The following NEDD9 variants were observed in gnomAD, a reference collection of about 807,000 sequenced individuals.
NEDD9 encodes the protein neural precursor cell expressed, developmentally down-regulated 9.
In NEDD9, 26 loss-of-function variants were observed where a neutral mutation model predicts 76.6. The ratio of observed to expected loss-of-function variants is 0.34; its 90% CI spans 0.25 to 0.47. NEDD9 has a LOEUF of 0.47. Ranked by LOEUF, NEDD9 falls within the 20% of genes least tolerant of loss-of-function variation. The pLI is 1.00. For missense variants in NEDD9, 937 were observed against 1,058.5 expected (o/e 0.89, Z 1.59); for synonymous variants, 392 against 414.2 (o/e 0.95, Z 0.65).
At chr6:11,243,542 C>T (rs1299364245) in intron 3 of NEDD9, among the ~76,000 whole-genome samples, 6 of 152,158 alleles carry the variant, frequency 3.9e-5, no homozygotes, top group East Asian at 1.9e-4. Context: ...TTGTCCAAGC[C>T]GGGGACTCTT....
intron 2 of NEDD9, among the ~76,000 whole-genome samples, chr6:11,329,515 G>A (rs533009487): frequency 6.6e-6 from 1 of 152,282 alleles, no homozygotes; most frequent in East Asian, 1.9e-4. Context: ...CCAAGTTGGG[G>A]GAAGAATATC....
At chr6:11,189,119 G>A (rs1316468994) in intron 5 of NEDD9, among the ~76,000 whole-genome samples, 1 of 152,158 alleles carries the variant, frequency 6.6e-6, no homozygotes, top group Non-Finnish European at 1.5e-5. Flanking sequence ...GCTAATTTTC[G>A]TACTTTTAGT....
chr6:11,262,877 C>T (rs1187649988), intron 3 of NEDD9, among the ~76,000 whole-genome samples: 1 of 152,176 alleles, frequency 6.6e-6, no homozygotes, highest in Admixed American at 6.5e-5. Context: ...CAAAATCATA[C>T]ATTAAAGTGT....
intron 3 of NEDD9, among the ~76,000 whole-genome samples, chr6:11,244,489 C>T (rs1305956289): frequency 6.6e-6 from 1 of 152,166 alleles, no homozygotes; most frequent in Non-Finnish European, 1.5e-5. Flanking sequence ...GCTGCCAAGG[C>T]ACATCAATAT....
chr6:11,193,001 T>C (rs1289028846), intron 3 of NEDD9, among the ~76,000 whole-genome samples: 4 of 142,166 alleles, frequency 2.8e-5, no homozygotes, highest in African/African-American at 1.1e-4. Flanking sequence ...CTTTAAAGTG[T>C]AGTTTAAATT....
chr6:11,357,098 C>T (rs1039251851), intron 1 of NEDD9, among the ~76,000 whole-genome samples: 10 of 152,080 alleles, frequency 6.6e-5, no homozygotes, highest in Admixed American at 1.3e-4. Flanking sequence ...TTTTGAAGGC[C>T]GGCAGATTTC....
intron 3 of NEDD9, among the ~76,000 whole-genome samples, chr6:11,280,109 T>C (rs1227111681): frequency 3.3e-5 from 5 of 152,212 alleles, no homozygotes; most frequent in Admixed American, 2.6e-4. Flanking sequence ...CTCTACCCTC[T>C]AGATGTCAGT....
rs148889971 is a variant in NEDD9 at position 11,190,545 on chromosome 6, C to T, written c.1324G>A (p.Glu442Lys). 1 of 1,614,176 alleles carries T rather than the reference C, an allele frequency of 6.2e-7. No homozygotes were observed. Among genetic ancestry groups the T allele is most frequent in the Non-Finnish European group, 8.5e-7 (1 of 1,180,034 alleles). The change falls in exon 5 of 7, where the codon GAA becomes AAA. Residue 442 changes from glutamate to lysine, a missense_variant. Glu to Lys is a moderately conservative substitution (Grantham distance 56, BLOSUM62 1). Coordinates refer to ENST00000379446, the MANE Select transcript of NEDD9 (RefSeq NM_006403.4). This position sits in a 1 kb window ranked among gnomAD's most constrained non-coding sequence, Gnocchi z 5.8. ...TTDWRCYGYM[E>K]RHINEIRTAV... is the part of the protein sequence containing the mutation. ...GTGCGTATTTCATTGATGTGTCTTT[C>T]CATATATCCGTAACACCGCCAGTCG...
rs1241536161 is a variant in NEDD9 at position 11,370,886 on chromosome 6, G to A, written c.-214+11253C>T. Among the ~76,000 whole-genome samples the A allele has an allele frequency of 6.6e-6, 1 of 152,284 alleles. No homozygotes were observed. The highest frequency in any genetic ancestry group is 1.9e-4 in the East Asian group (1 of 5,178). ...TTGAGGACAGGTGACAACGGGGAGG[G>A]TGACAGAGGTGACCCCGTGGCCATT... On this transcript the variant is annotated intron_variant, in intron 1 of 3. Transcript: ENST00000397378. The surrounding 1 kb of genome is among the most constrained non-coding windows in gnomAD (Gnocchi z 4.2).
At position 11,203,891 on chromosome 6, in the gene NEDD9, G is replaced by A. The variant is rs565038645; in HGVS notation, c.459+9390C>T. Among the ~76,000 whole-genome samples the A allele has an allele frequency of 9.2e-5, 14 of 152,110 alleles. No homozygotes were observed. In the South Asian group the frequency reaches 2.9e-3, roughly 32 times the overall value. On this transcript the variant is annotated intron_variant, in intron 2 of 6. Coordinates refer to ENST00000379446, the MANE Select transcript of NEDD9 (RefSeq NM_006403.4). ...TGGTTCTGGATGGGATGGTGGGCTG[G>A]ATCCTAAAGGAAGAGTAGGAAAGAT...
intron 1 of NEDD9, among the ~76,000 whole-genome samples, chr6:11,359,463 T>A (rs1762638133): frequency 2.0e-5 from 3 of 152,238 alleles, no homozygotes; most frequent in Admixed American, 6.5e-5. Flanking sequence ...TGCCTATCTG[T>A]CCCTATTTCA....
At chr6:11,372,697 T>C (rs1377319293) in intron 1 of NEDD9, among the ~76,000 whole-genome samples, 1 of 152,222 alleles carries the variant, frequency 6.6e-6, no homozygotes, top group African/African-American at 2.4e-5. Flanking sequence ...ATTTTAACTG[T>C]GGTGAAATGA....
At chr6:11,297,911 C>CTT (rs3067297) in intron 3 of NEDD9, among the ~76,000 whole-genome samples, 30,872 of 140,528 alleles carry the variant, frequency 0.22, 4,065 homozygotes, top group African/African-American at 0.37. Context: ...TTTTTCTTTT[C>CTT]TTTTTTTTTT....
rs186912388 is a variant in NEDD9 at position 11,289,673 on chromosome 6, G to A, written c.12+16319C>T. On this transcript the variant is annotated intron_variant, in intron 3 of 3. Coordinates refer to the NEDD9 transcript ENST00000397378. ...TCACCATGTTACACAGGATGGTCTT[G>A]ATCTCCTGACCTCATGATCTGCCTG... Among the ~76,000 whole-genome samples the A allele has an allele frequency of 3.7e-3, 567 of 152,222 alleles. 1 individual carries two copies. Among genetic ancestry groups the A allele is most frequent in the African/African-American group, 0.013 (526 of 41,538 alleles).
At chr6:11,200,894 A>G (rs1373164914) in intron 2 of NEDD9, 7 of 1,608,704 alleles carry the variant, frequency 4.4e-6, no homozygotes, top group Non-Finnish European at 5.9e-6. Flanking sequence ...GGAGATGAAG[A>G]TATTTATCCA....
chr6:11,253,946 T>G (rs1347705973), intron 3 of NEDD9, among the ~76,000 whole-genome samples: 1 of 152,166 alleles, frequency 6.6e-6, no homozygotes, highest in Non-Finnish European at 1.5e-5. Flanking sequence ...CACCAATTAA[T>G]ATTATGGCAT....
chr6:11,316,572 C>T (rs1371667361), intron 2 of NEDD9, among the ~76,000 whole-genome samples: 2 of 152,156 alleles, frequency 1.3e-5, no homozygotes, highest in Admixed American at 6.5e-5. Flanking sequence ...ATGGGGTAGG[C>T]TTGGAAATGC....
intron 3 of NEDD9, among the ~76,000 whole-genome samples, chr6:11,282,646 T>A (rs979564595): frequency 6.6e-6 from 1 of 152,218 alleles, no homozygotes; most frequent in Non-Finnish European, 1.5e-5. Context: ...TTTTACTTTT[T>A]TCATGGCATG....
chr6:11,298,286 T>C (rs1290777165), intron 3 of NEDD9, among the ~76,000 whole-genome samples: 2 of 152,132 alleles, frequency 1.3e-5, no homozygotes, highest in Non-Finnish European at 2.9e-5. Flanking sequence ...AAGTGATGTG[T>C]GTGTGTGAGT....
Sources: allele counts gnomAD v4.1 joint callset (sites outside exome capture counted in the v4.1 genomes callset), GRCh38; gene constraint gnomAD v4.1.1; non-coding constraint Gnocchi (gnomAD v3.1); transcripts MANE v1.5; gene names NCBI Gene and HGNC (gene_info 2026-07-23, HGNC 2026-07-21).